The following RBMS3 variants were observed in gnomAD, a reference collection of about 807,000 sequenced individuals.
RBMS3 encodes the protein RNA-binding motif, single-stranded-interacting protein 3.
A neutral mutation model predicts 66.8 loss-of-function variants in RBMS3; 27 were observed. The observed-to-expected ratio is 0.40, with a 90% CI of 0.30 to 0.56. The LOEUF (loss-of-function observed/expected upper bound fraction) is 0.56, where lower values mean the gene tolerates loss of function less well. Among genes scored for constraint, RBMS3 ranks in the 20% least tolerant of loss-of-function variants. RBMS3 has a pLI of 0.40. For synonymous variants in RBMS3, 188 were observed against 183.0 expected (o/e 1.03, Z -0.22); for missense variants, 513 against 549.5 (o/e 0.93, Z 0.66).
intron 1 of RBMS3, among the ~76,000 whole-genome samples, chr3:29,347,074 C>A (rs1293128681): frequency 6.6e-6 from 1 of 151,992 alleles, no homozygotes; most frequent in Non-Finnish European, 1.5e-5. Flanking sequence ...AGGAGTTTCA[C>A]CAAGAATGTT....
At chr3:29,699,748 C>T (rs569008270) in intron 4 of RBMS3, among the ~76,000 whole-genome samples, 3 of 152,220 alleles carry the variant, frequency 2.0e-5, no homozygotes, top group African/African-American at 4.8e-5. Flanking sequence ...ATATTACACC[C>T]CCATACATAT....
At chr3:29,944,095 G>A (rs1206715618) in intron 11 of RBMS3, 112 bp from the exon 12 acceptor site, 3 of 852,126 alleles carry the variant, frequency 3.5e-6, no homozygotes, top group Non-Finnish European at 5.7e-6. Flanking sequence ...AAGGCAGGGT[G>A]GGTCAGGCAA....
intron 3 of RBMS3, among the ~76,000 whole-genome samples, chr3:29,546,108 TTGTGTGTGTGTGTGTGTGTGTGTG>T (rs71091070): frequency 0.048 from 6,952 of 146,034 alleles, 204 homozygotes; most frequent in South Asian, 0.11. Flanking sequence ...TGAGACGGGT[TTGTGTGTGTGTGTGTGTGTGTGTG>T]TGTGTGTGTG....
intron 12 of RBMS3, among the ~76,000 whole-genome samples, chr3:29,958,812 T>C (rs1425254732): frequency 1.3e-5 from 2 of 152,318 alleles, no homozygotes; most frequent in South Asian, 2.1e-4. Flanking sequence ...TAAAGGAAAG[T>C]ATATCAACTT....
In RBMS3 at chr3:29,621,638, T is replaced by A. The variant is rs1055667820; in HGVS notation, c.399+34433T>A. 1.1e-4 allele frequency among the ~76,000 whole-genome samples: 17 copies of A among 152,334 alleles called. No individual in the cohort carries two copies. In the South Asian group the frequency reaches 1.2e-3, roughly 11 times the overall value. On this transcript the variant is annotated intron_variant, in intron 4 of 14. Coordinates refer to ENST00000383767, the MANE Select transcript of RBMS3 (RefSeq NM_001003793.3). ...ACTTATCAGAAGTCTCCTGACAGCA[T>A]AATACCAAGTTCTAGAATGAAAATA...
intron 4 of RBMS3, among the ~76,000 whole-genome samples, chr3:29,704,357 A>G (rs2052776627): frequency 6.6e-6 from 1 of 152,222 alleles, no homozygotes; most frequent in African/African-American, 2.4e-5. Flanking sequence ...AGAGATTGGT[A>G]TATAAAGAAG....
intron 10 of RBMS3, among the ~76,000 whole-genome samples, chr3:29,935,289 G>T (rs1282690173): frequency 6.6e-6 from 1 of 152,046 alleles, no homozygotes; most frequent in African/African-American, 2.4e-5. Flanking sequence ...ATGGATGGAA[G>T]TTTTTTAAAA....
intron 1 of RBMS3, among the ~76,000 whole-genome samples, chr3:29,354,483 C>A (rs376245695): frequency 1.3e-5 from 2 of 151,760 alleles, no homozygotes; most frequent in East Asian, 3.9e-4. Flanking sequence ...TGCATACATA[C>A]GTGTGTGTGT....
intron 12 of RBMS3, among the ~76,000 whole-genome samples, chr3:29,970,101 T>C (rs1166990534): frequency 6.6e-6 from 1 of 152,184 alleles, no homozygotes; most frequent in Non-Finnish European, 1.5e-5. Flanking sequence ...TAAATATAAT[T>C]GGTTTTCAGT....
chr3:29,647,747 A>G (rs1441972578), intron 4 of RBMS3, among the ~76,000 whole-genome samples: 1 of 152,234 alleles, frequency 6.6e-6, no homozygotes, highest in East Asian at 1.9e-4. Flanking sequence ...TGATATAGGC[A>G]TATGATTCCT....
At chr3:29,998,540 G>C (rs1351876697) in intron 14 of RBMS3, among the ~76,000 whole-genome samples, 1 of 152,114 alleles carries the variant, frequency 6.6e-6, no homozygotes, top group African/African-American at 2.4e-5. Context: ...AGTAACCAAA[G>C]CAGCATGGTA....
chr3:29,687,845 A>G (rs559098414), intron 4 of RBMS3, among the ~76,000 whole-genome samples: 3 of 152,196 alleles, frequency 2.0e-5, no homozygotes, highest in Admixed American at 2.0e-4. Context: ...TATTAGTTGT[A>G]GCAACTAGCT....
In RBMS3 at chr3:29,592,098, T is replaced by TA. The variant is rs67612034; in HGVS notation, c.399+4901dup. Among the ~76,000 whole-genome samples the TA allele has an allele frequency of 3.0e-3, 445 of 150,454 alleles. 1 individual carries two copies. Among genetic ancestry groups the TA allele is most frequent in the African/African-American group, 0.01 (429 of 40,956 alleles). On this transcript the variant is annotated intron_variant, in intron 4 of 14. Transcript: ENST00000383767. ...ACAGTAGTTGTCTTCGAAAAAAAAA[T>TA]AAAAAAAACCAGTGGATTTTTTACT...
At chr3:29,820,741 G>A (rs1012648533) in intron 6 of RBMS3, among the ~76,000 whole-genome samples, 2 of 152,070 alleles carry the variant, frequency 1.3e-5, no homozygotes, top group Non-Finnish European at 2.9e-5. Context: ...ATTAATGCAC[G>A]TGGTGCTACA....
chr3:29,533,921 A>C (rs2045457784), intron 3 of RBMS3, among the ~76,000 whole-genome samples: 1 of 152,234 alleles, frequency 6.6e-6, no homozygotes, highest in Non-Finnish European at 1.5e-5. Context: ...GTATTCACCA[A>C]GTGTTTCTTG....
intron 5 of RBMS3, among the ~76,000 whole-genome samples, chr3:29,762,035 A>C (rs1397896509): frequency 1.3e-5 from 2 of 152,156 alleles, no homozygotes; most frequent in African/African-American, 4.8e-5. Context: ...AAACTGCTAC[A>C]AATATTACTG....
intron 6 of RBMS3, among the ~76,000 whole-genome samples, chr3:29,864,601 G>A (rs1214528861): frequency 6.6e-6 from 1 of 152,082 alleles, no homozygotes; most frequent in Non-Finnish European, 1.5e-5. Flanking sequence ...CAAACTCTCT[G>A]ACACTGACAC....
At chr3:29,930,962 T>C (rs1370616904) in intron 10 of RBMS3, among the ~76,000 whole-genome samples, 4 of 152,162 alleles carry the variant, frequency 2.6e-5, no homozygotes, top group Non-Finnish European at 5.9e-5. Flanking sequence ...AACTAACTAC[T>C]TTTTGATTAG....
intron 1 of RBMS3, among the ~76,000 whole-genome samples, chr3:29,407,145 C>A (rs2040055591): frequency 6.6e-6 from 1 of 152,136 alleles, no homozygotes; most frequent in African/African-American, 2.4e-5. Context: ...AAGAACAATA[C>A]AAATGATAAC....
Sources: gnomAD v4.1 joint callset for allele counts (sites outside exome capture counted in the v4.1 genomes callset) on GRCh38, gnomAD v4.1.1 for gene constraint, MANE v1.5 for transcripts, NCBI Gene and HGNC (gene_info 2026-07-23, HGNC 2026-07-21) for gene names.